CPM: variants seen among roughly 807,000 people sequenced by gnomAD.
CPM encodes the protein carboxypeptidase M.
In CPM, 35 loss-of-function variants were observed where a neutral mutation model predicts 46.4. That is an observed-to-expected ratio of 0.75 (90% CI 0.58 to 1.00). The LOEUF (loss-of-function observed/expected upper bound fraction) is 1.00. Among genes scored for constraint, CPM ranks in the 50% least tolerant of loss-of-function variants. CPM has a pLI of 0.00. For missense variants in CPM, 422 were observed against 530.4 expected (o/e 0.80, Z 2.01); for synonymous variants, 195 against 195.3 (o/e 1.00, Z 0.01).
At chr12:68,870,982 T>G (rs1885668414) in intron 4 of CPM, among the ~76,000 whole-genome samples, 1 of 152,224 alleles carries the variant, frequency 6.6e-6, no homozygotes, top group Admixed American at 6.5e-5. Flanking sequence ...TTTAAATATA[T>G]TTGAAAAACT....
chr12:68,884,602 G>T (rs1236016459), intron 3 of CPM, among the ~76,000 whole-genome samples: 1 of 152,170 alleles, frequency 6.6e-6, no homozygotes, highest in Non-Finnish European at 1.5e-5. Flanking sequence ...GTACTTATTG[G>T]AATATGTATG....
At chr12:68,862,558 G>T (rs1440505416) in intron 7 of CPM, among the ~76,000 whole-genome samples, 2 of 139,856 alleles carry the variant, frequency 1.4e-5, no homozygotes, top group Non-Finnish European at 3.1e-5. Context: ...CCTAAAGATG[G>T]TTCTTCCAGC....
At chr12:68,932,330 G>T (rs1395704334) in intron 2 of CPM, among the ~76,000 whole-genome samples, 1 of 152,172 alleles carries the variant, frequency 6.6e-6, no homozygotes, top group Non-Finnish European at 1.5e-5. Context: ...ACACAAAGGG[G>T]AACTGAAACG....
Position 68,886,690 on chromosome 12 carries a change from T to G in CPM, c.161-801A>C, listed in dbSNP as rs565010361. Among the ~76,000 whole-genome samples the G allele has an allele frequency of 7.3e-4, 111 of 152,282 alleles. 1 individual carries two copies. Among genetic ancestry groups the G allele is most frequent in the Admixed American group, 1.4e-3 (22 of 15,286 alleles). ...AGAGTAACTCAGAAGGGAGATTGTT[T>G]TTAAAGCAGGAGATCCTGAATTCTG... is the stretch of plus-strand genomic sequence containing the variant. On this transcript the variant is annotated intron_variant, in intron 2 of 8. Coordinates refer to ENST00000551568, the MANE Select transcript of CPM (RefSeq NM_198320.5).
chr12:68,896,396 T>C (rs1886878312), intron 2 of CPM, among the ~76,000 whole-genome samples: 1 of 151,990 alleles, frequency 6.6e-6, no homozygotes, highest in Admixed American at 6.6e-5. Flanking sequence ...GGATTTTGTA[T>C]CTCTGTGCTT....
At chr12:68,897,593 C>T (rs1311085754) in intron 2 of CPM, among the ~76,000 whole-genome samples, 1 of 151,948 alleles carries the variant, frequency 6.6e-6, no homozygotes, top group African/African-American at 2.4e-5. Flanking sequence ...AAAAATTAGC[C>T]GGGCGTGGTG....
At chr12:68,874,324 T>C (rs977686360) in intron 3 of CPM, among the ~76,000 whole-genome samples, 3 of 151,950 alleles carry the variant, frequency 2.0e-5, no homozygotes, top group Non-Finnish European at 2.9e-5. Flanking sequence ...TAACTTTAAA[T>C]GTGAAAAGGG....
At chr12:68,914,142 T>A in intron 2 of CPM, 1 of 469,272 alleles carries the variant, frequency 2.1e-6, no homozygotes, top group East Asian at 4.1e-5. Flanking sequence ...ATCCATTCTT[T>A]GGAGATGGAG....
chr12:68,879,010 G>T (rs943974468), intron 3 of CPM, among the ~76,000 whole-genome samples: 4 of 152,030 alleles, frequency 2.6e-5, no homozygotes, highest in Non-Finnish European at 5.9e-5. Flanking sequence ...CAACACTGTG[G>T]GACCCCATCT....
chr12:68,935,703 C>T (rs550321800), upstream of CPM, among the ~76,000 whole-genome samples: 1 of 151,596 alleles, frequency 6.6e-6, no homozygotes, highest in African/African-American at 2.4e-5. Flanking sequence ...GGGTTGAAGA[C>T]GTTTCCCTTT....
At chr12:68,930,806 C>T (rs1043469436) in intron 2 of CPM, among the ~76,000 whole-genome samples, 1 of 152,170 alleles carries the variant, frequency 6.6e-6, no homozygotes, top group African/African-American at 2.4e-5. Context: ...GGAAAGAGAG[C>T]CCCCAACTGT....
intron 2 of CPM, among the ~76,000 whole-genome samples, chr12:68,902,288 T>A (rs1243037495): frequency 1.3e-5 from 2 of 152,176 alleles, no homozygotes; most frequent in Non-Finnish European, 2.9e-5. Context: ...TGTTGCAAAG[T>A]CAACACAAAT....
intron 3 of CPM, among the ~76,000 whole-genome samples, chr12:68,882,351 T>C (rs1886232432): frequency 6.6e-6 from 1 of 152,138 alleles, no homozygotes. Context: ...TTTGATTTTC[T>C]GTTTAGTTTG....
chr12:68,848,060 C>T (rs1334158852), downstream of CPM: 1 of 152,086 alleles, frequency 6.6e-6, no homozygotes, highest in Non-Finnish European at 1.5e-5. Context: ...GCCCAGGAGT[C>T]CAATGTTACA....
At chr12:68,878,775 G>A (rs1886065493) in intron 3 of CPM, among the ~76,000 whole-genome samples, 1 of 152,174 alleles carries the variant, frequency 6.6e-6, no homozygotes, top group Non-Finnish European at 1.5e-5. Context: ...CAGGCAAAAT[G>A]AACCTGTTGG....
intron 6 of CPM, among the ~76,000 whole-genome samples, chr12:68,868,568 T>A (rs1042475654): frequency 1.3e-5 from 2 of 152,110 alleles, no homozygotes; most frequent in Non-Finnish European, 2.9e-5. Context: ...AGGTCCCTCC[T>A]ACCCCGGGTT....
At chr12:68,856,807 T>C in intron 8 of CPM, 128 bp from the exon 9 acceptor site, 1 of 1,241,862 alleles carries the variant, frequency 8.1e-7, no homozygotes, top group Non-Finnish European at 1.1e-6. Context: ...ACCAGACCTC[T>C]GGGCCAGCAA....
At chr12:68,941,852 G>A (rs565176935) in intron 1 of CPM, among the ~76,000 whole-genome samples, 1 of 152,292 alleles carries the variant, frequency 6.6e-6, no homozygotes, top group East Asian at 1.9e-4. Flanking sequence ...AACCGGATTT[G>A]TTTGTTTTTG....
chr12:68,869,473 T>C lies in CPM; in HGVS notation c.639A>G (p.Arg213=), dbSNP rs965337679. 5 of 1,610,694 alleles carry C rather than the reference T, an allele frequency of 3.1e-6. No individual in the cohort carries two copies. The African/African-American group carries it at 6.7e-5, about 22-fold the overall frequency. The change falls in exon 6 of 9, where the codon CGA becomes CGG. Residue 213 remains arginine (R), a synonymous_variant. Transcript: ENST00000551568. ...GVQATGALYS[R]SLTPDDDVFQ... ...AAACATCATCATCAGGCGTTAAGCTTCGGGAGTATAATGCCCCAGTTGCTG... is the reference window on the plus strand; with the variant it reads ...AAACATCATCATCAGGCGTTAAGCTCCGGGAGTATAATGCCCCAGTTGCTG...
Sources: allele counts gnomAD v4.1 joint callset (sites outside exome capture counted in the v4.1 genomes callset), GRCh38; gene constraint gnomAD v4.1.1; transcripts MANE v1.5; gene names NCBI Gene and HGNC (gene_info 2026-07-23, HGNC 2026-07-21).